The following FUT8 variants were observed in gnomAD, a reference collection of about 807,000 sequenced individuals.
FUT8 encodes the protein alpha-(1,6)-fucosyltransferase.
FUT8 carries 29 observed loss-of-function variants against 71.3 expected under a neutral mutation model. That is an observed-to-expected ratio of 0.41 (90% CI 0.30 to 0.55). The LOEUF is 0.55. Among genes scored for constraint, FUT8 ranks in the 20% least tolerant of loss-of-function variants. The pLI is 0.34. For synonymous variants in FUT8, 254 were observed against 239.3 expected (o/e 1.06, Z -0.57); for missense variants, 544 against 702.1 (o/e 0.77, Z 2.55).
intron 7 of FUT8, among the ~76,000 whole-genome samples, chr14:65,682,778 G>T (rs1318649097): frequency 1.3e-5 from 2 of 152,128 alleles, no homozygotes; most frequent in Non-Finnish European, 2.9e-5. Flanking sequence ...CTGCTTCTTA[G>T]TTTAGCCTTT....
the FUT8 span, among the ~76,000 whole-genome samples, chr14:65,359,545 T>A: frequency 0.012 from 1,882 of 152,290 alleles, 16 homozygotes; most frequent in South Asian, 0.023. Flanking sequence ...CTACTTTTTA[T>A]CTTTGTGAAT....
chr14:65,677,170 GCACGTA>G (rs1892798214), intron 7 of FUT8, among the ~76,000 whole-genome samples: 1 of 118,824 alleles, frequency 8.4e-6, no homozygotes, highest in Non-Finnish European at 1.7e-5. Flanking sequence ...GCATGCGCGC[GCACGTA>G]TGTGTGTGCG....
the FUT8 span, among the ~76,000 whole-genome samples, chr14:65,362,234 T>A: frequency 6.6e-6 from 1 of 152,194 alleles, no homozygotes; most frequent in Non-Finnish European, 1.5e-5. Context: ...CTTGAAATAG[T>A]CCCTGTCAAC....
intron 6 of FUT8, among the ~76,000 whole-genome samples, chr14:65,633,865 C>T (rs1890370523): frequency 6.6e-6 from 1 of 152,028 alleles, no homozygotes. Context: ...TCAGCCCCCA[C>T]TCGGCCAGCT....
chr14:65,565,807 C>G (rs1260496093), intron 3 of FUT8, among the ~76,000 whole-genome samples: 1 of 151,676 alleles, frequency 6.6e-6, no homozygotes, highest in Non-Finnish European at 1.5e-5. Context: ...CATATGTCAT[C>G]TTTGGTGAAG....
At chr14:65,696,446 T>G (rs1291512767) in intron 7 of FUT8, among the ~76,000 whole-genome samples, 1 of 152,184 alleles carries the variant, frequency 6.6e-6, no homozygotes, top group Non-Finnish European at 1.5e-5. Context: ...CCTCTCTAGA[T>G]AAGGTTCCTC....
chr14:65,723,116 A>G lies in FUT8; in HGVS notation c.1083-1031A>G, dbSNP rs111417821. On this transcript the variant is annotated intron_variant, in intron 8 of 10. Coordinates refer to ENST00000673929, the MANE Select transcript of FUT8 (RefSeq NM_001371533.1). ...CACTTGAGCCCAGAAGTTTGAGAAA[A>G]CTCAACATAGGCAACATGGTTGAAA... Among the ~76,000 whole-genome samples the G allele has an allele frequency of 2.3e-3, 355 of 151,296 alleles. 1 individual carries two copies. Among genetic ancestry groups the G allele is most frequent in the Non-Finnish European group, 3.8e-3 (261 of 67,842 alleles).
chr14:65,653,146 G>A (rs1003014331), intron 6 of FUT8, among the ~76,000 whole-genome samples: 2 of 152,174 alleles, frequency 1.3e-5, no homozygotes, highest in Non-Finnish European at 2.9e-5. Context: ...AGGTAGAAGA[G>A]GAGAGGTAGA....
intron 2 of FUT8, among the ~76,000 whole-genome samples, chr14:65,484,990 C>CT (rs1474781091): frequency 6.6e-6 from 1 of 151,120 alleles, no homozygotes; most frequent in Non-Finnish European, 1.5e-5. Context: ...TGATTTAGAT[C>CT]TTTTTTATAT....
chr14:65,700,855 G>GA (rs1370236741), intron 7 of FUT8, among the ~76,000 whole-genome samples: 2 of 152,014 alleles, frequency 1.3e-5, no homozygotes, highest in African/African-American at 4.8e-5. Context: ...TTGTCATTTG[G>GA]GGGGATCACC....
At chr14:65,360,276 A>G in the FUT8 span, among the ~76,000 whole-genome samples, 27 of 152,368 alleles carry the variant, frequency 1.8e-4, no homozygotes, top group African/African-American at 6.3e-4. Flanking sequence ...CAGTCTTGCC[A>G]TTAGCTGGGT....
At chr14:65,538,922 A>AAAAACAAAAC (rs540779603) in intron 2 of FUT8, among the ~76,000 whole-genome samples, 1 of 152,100 alleles carries the variant, frequency 6.6e-6, no homozygotes, top group Non-Finnish European at 1.5e-5. Flanking sequence ...CTCTGTCTCA[A>AAAAACAAAAC]AAAACAAAAC....
At chr14:65,484,178 T>G (rs1279121269) in intron 2 of FUT8, among the ~76,000 whole-genome samples, 1 of 152,240 alleles carries the variant, frequency 6.6e-6, no homozygotes, top group Non-Finnish European at 1.5e-5. Context: ...AAAGCATGTC[T>G]TTTGTGAATA....
chr14:65,400,938 C>A, the FUT8 span, among the ~76,000 whole-genome samples: 3 of 152,164 alleles, frequency 2.0e-5, no homozygotes, highest in East Asian at 5.8e-4. Context: ...CATTATCATA[C>A]CGCTTTCACC....
At chr14:65,438,835 G>C (rs1394207300) in intron 1 of FUT8, among the ~76,000 whole-genome samples, 2 of 152,150 alleles carry the variant, frequency 1.3e-5, no homozygotes, top group Non-Finnish European at 2.9e-5. Flanking sequence ...ATTGTTCACA[G>C]GCACAGTGTT....
chr14:65,689,702 C>G (rs1379587261), intron 7 of FUT8, among the ~76,000 whole-genome samples: 1 of 152,244 alleles, frequency 6.6e-6, no homozygotes, highest in Non-Finnish European at 1.5e-5. Context: ...CCGTGCCTGG[C>G]TAATTGTTGT....
intron 7 of FUT8, among the ~76,000 whole-genome samples, chr14:65,697,273 T>C (rs1381510195): frequency 6.6e-6 from 1 of 152,212 alleles, no homozygotes; most frequent in East Asian, 1.9e-4. Flanking sequence ...TGTTTTTGTC[T>C]CCCTTGTCTT....
chr14:65,546,898 CTTTAAGTT>C (rs1885015114), intron 2 of FUT8, among the ~76,000 whole-genome samples: 1 of 151,430 alleles, frequency 6.6e-6, no homozygotes, highest in African/African-American at 2.4e-5. Context: ...CTTCCTTAAG[CTTTAAGTT>C]TTTAAGTCAT....
intron 7 of FUT8, among the ~76,000 whole-genome samples, chr14:65,708,758 C>T (rs1003458888): frequency 2.0e-5 from 3 of 152,088 alleles, no homozygotes; most frequent in African/African-American, 7.2e-5. Context: ...AAGACAAACA[C>T]TGTATAATCT....
Sources: gnomAD v4.1 joint callset for allele counts (sites outside exome capture counted in the v4.1 genomes callset) on GRCh38, gnomAD v4.1.1 for gene constraint, MANE v1.5 for transcripts, NCBI Gene and HGNC (gene_info 2026-07-23, HGNC 2026-07-21) for gene names.